ERP27: variants seen among roughly 807,000 people sequenced by gnomAD.
The protein encoded by ERP27 is endoplasmic reticulum resident protein 27.
A neutral mutation model predicts 27.7 loss-of-function variants in ERP27; 23 were observed. The ratio of observed to expected loss-of-function variants is 0.83; its 90% CI spans 0.60 to 1.18. The LOEUF is 1.18. Among genes scored for constraint, ERP27 ranks in the 50% most tolerant of loss-of-function variants. ERP27 has a pLI of 0.00. For synonymous variants in ERP27, 159 were observed against 118.3 expected (o/e 1.34, Z -2.23); for missense variants, 363 against 327.9 (o/e 1.11, Z -0.83).
chr12:14,918,965 A>T (rs1234732588), intron 4 of ERP27, among the ~76,000 whole-genome samples: 1 of 152,232 alleles, frequency 6.6e-6, no homozygotes, highest in African/African-American at 2.4e-5. Context: ...AAAAGCTAAG[A>T]TGTCAAAAGG....
intron 5 of ERP27, 92 bp from the exon 6 acceptor site, chr12:14,915,778 T>C: frequency 8.9e-7 from 1 of 1,124,672 alleles, no homozygotes; most frequent in South Asian, 1.5e-5. Context: ...CTCACACTGA[T>C]TGAATTTATG....
At chr12:14,934,732 A>G in intron 3 of ERP27, 124 bp downstream of exon 3, 2 of 1,196,872 alleles carry the variant, frequency 1.7e-6, no homozygotes, top group Non-Finnish European at 2.3e-6. Context: ...CTTGTCAACA[A>G]TGTCCCTGAA....
At chr12:14,931,260 C>T (rs1165803402) in intron 3 of ERP27, among the ~76,000 whole-genome samples, 1 of 150,830 alleles carries the variant, frequency 6.6e-6, no homozygotes, top group Non-Finnish European at 1.5e-5. Flanking sequence ...AGATTAGGCT[C>T]TGAAAACAAA....
chr12:14,915,365 C>A, intron 6 of ERP27, 124 bp downstream of exon 6: 1 of 890,426 alleles, frequency 1.1e-6, no homozygotes, highest in Admixed American at 2.4e-5. Context: ...TCTATCTGCA[C>A]TTGGTATCCA....
At chr12:14,932,623 G>C (rs928810583) in intron 3 of ERP27, among the ~76,000 whole-genome samples, 1 of 152,196 alleles carries the variant, frequency 6.6e-6, no homozygotes, top group Non-Finnish European at 1.5e-5. Context: ...ATGTTGAAGA[G>C]TTTTAAAGAG....
At chr12:14,919,791 T>C (rs571322881) in intron 4 of ERP27, among the ~76,000 whole-genome samples, 7 of 152,362 alleles carry the variant, frequency 4.6e-5, no homozygotes, top group Admixed American at 2.6e-4. Context: ...TACTGTAAAA[T>C]GGAAGTTGGC....
rs557516570 is a variant in ERP27, at chr12:14,928,286, G to A, written c.333+6570C>T. Among the ~76,000 whole-genome samples the A allele has an allele frequency of 2.0e-5, 3 of 152,252 alleles. No homozygotes were observed. The South Asian group carries it at 6.2e-4, about 32-fold the overall frequency. On this transcript the variant is annotated intron_variant, in intron 3 of 6. Transcript: ENST00000266397. ...ATCTCATGTTAGTTAAGGTAGGAGG[G>A]AATTCAGGCAAAGGGAAATTAAAGT... is the stretch of plus-strand genomic sequence containing the variant.
chr12:14,922,422 T>G (rs1863518899), intron 3 of ERP27, among the ~76,000 whole-genome samples: 2 of 152,202 alleles, frequency 1.3e-5, no homozygotes, highest in East Asian at 1.9e-4. Flanking sequence ...TTAAAGATAA[T>G]TATCCTCTTT....
chr12:14,927,650 C>T (rs1863624654), intron 3 of ERP27, among the ~76,000 whole-genome samples: 1 of 151,988 alleles, frequency 6.6e-6, no homozygotes, highest in African/African-American at 2.4e-5. Flanking sequence ...AAAAAGCAGT[C>T]CTCAATGCAG....
intron 5 of ERP27, 89 bp downstream of exon 5, chr12:14,917,089 C>T (rs1592272286): frequency 6.7e-7 from 1 of 1,503,014 alleles, no homozygotes; most frequent in Non-Finnish European, 9.0e-7. Flanking sequence ...AGTTGTTTTC[C>T]TTATTTATCT....
At chr12:14,937,865 G>T in intron 2 of ERP27, 87 bp downstream of exon 2, 2 of 1,079,332 alleles carry the variant, frequency 1.9e-6, no homozygotes, top group Non-Finnish European at 2.8e-6. Context: ...CTAATGCAGT[G>T]CCATCTGCCA....
chr12:14,936,473 G>A (rs1398300317), intron 2 of ERP27, among the ~76,000 whole-genome samples: 1 of 152,122 alleles, frequency 6.6e-6, no homozygotes, highest in Non-Finnish European at 1.5e-5. Context: ...GAAATTAACA[G>A]GAACAAACAT....
At position 14,931,548 on chromosome 12, in the gene ERP27, G is replaced by A. The variant is rs1592278570; in HGVS notation, c.333+3308C>T. ...AACCATTTTGTTTGTTTTCTGGTATGGCACATAAATAATCTTGCCCACAGA... is the reference window on the plus strand; with the variant it reads ...AACCATTTTGTTTGTTTTCTGGTATAGCACATAAATAATCTTGCCCACAGA... On this transcript the variant is annotated intron_variant, in intron 3 of 6. Transcript: ENST00000266397. 2.6e-5 allele frequency among the ~76,000 whole-genome samples: 4 copies of A among 152,234 alleles called. 1 individual carries two copies. The highest frequency in any genetic ancestry group is 2.6e-4 in the Admixed American group (4 of 15,288).
chr12:14,923,286 G>T (rs1038428394), intron 3 of ERP27, among the ~76,000 whole-genome samples: 1 of 151,888 alleles, frequency 6.6e-6, no homozygotes, highest in African/African-American at 2.4e-5. Context: ...TAAAACGCTG[G>T]CTCATCTAGG....
At chr12:14,930,141 C>T (rs1277541498) in intron 3 of ERP27, among the ~76,000 whole-genome samples, 2 of 152,064 alleles carry the variant, frequency 1.3e-5, no homozygotes, top group East Asian at 1.9e-4. Context: ...TATAACAAAC[C>T]TTCATGTTAT....
chr12:14,927,307 A>G lies in ERP27; in HGVS notation c.334-6259T>C, dbSNP rs567064799. Reference sequence around the variant, plus strand: ...TGCATATGTGTAGGCGTATGTGTGTATATTTGTGTGTGTGTGCGTGTGTGC... The same window carrying G: ...TGCATATGTGTAGGCGTATGTGTGTGTATTTGTGTGTGTGTGCGTGTGTGC... On this transcript the variant is annotated intron_variant, in intron 3 of 6. Coordinates refer to ENST00000266397, the MANE Select transcript of ERP27 (RefSeq NM_152321.4). Among the ~76,000 whole-genome samples, 14 of 151,758 alleles carry G rather than the reference A, an allele frequency of 9.2e-5. No homozygotes were observed. In the South Asian group the frequency reaches 2.7e-3, roughly 29 times the overall value.
intron 3 of ERP27, among the ~76,000 whole-genome samples, chr12:14,932,067 T>C (rs944571257): frequency 1.3e-5 from 2 of 152,172 alleles, no homozygotes; most frequent in East Asian, 1.9e-4. Flanking sequence ...ACTTCAGACA[T>C]GCTTTTGGAG....
intron 2 of ERP27, among the ~76,000 whole-genome samples, chr12:14,936,801 C>G (rs1024315377): frequency 1.3e-5 from 2 of 152,166 alleles, no homozygotes; most frequent in African/African-American, 4.8e-5. Flanking sequence ...TAAATTTCCT[C>G]AGGCCTTCCA....
rs1280861834 is a variant in ERP27 at position 14,915,692 on chromosome 12, G to T, written c.577-6C>A. 1.2e-6 allele frequency: 2 copies of T among 1,609,918 alleles called. No homozygotes were observed. Among genetic ancestry groups the T allele is most frequent in the Admixed American group, 3.3e-5 (2 of 59,776 alleles). On this transcript the variant is annotated splice_polypyrimidine_tract_variant and splice_region_variant and intron_variant, in intron 5 of 6. Coordinates refer to ENST00000266397, the MANE Select transcript of ERP27 (RefSeq NM_152321.4). ...TCCACCAGAATAAAGAGAATCTGCAGTTGGGGAAGTTTGAAAGAAAAAGTT... is the reference window on the plus strand; with the variant it reads ...TCCACCAGAATAAAGAGAATCTGCATTTGGGGAAGTTTGAAAGAAAAAGTT...
Sources: allele counts gnomAD v4.1 joint callset (sites outside exome capture counted in the v4.1 genomes callset), GRCh38; gene constraint gnomAD v4.1.1; transcripts MANE v1.5; gene names NCBI Gene and HGNC (gene_info 2026-07-23, HGNC 2026-07-21).